The following MAFF variants were observed in gnomAD, a reference collection of about 807,000 sequenced individuals.
MAFF encodes transcription factor MafF.
In MAFF, 4 loss-of-function variants were observed where a neutral mutation model predicts 2.7. The ratio of observed to expected loss-of-function variants is 1.48; its 90% CI spans 0.73 to 3.39. The LOEUF is 3.39. Ranked by LOEUF, MAFF falls within the 30% of genes most tolerant of loss-of-function variation. The pLI is 0.01. For synonymous variants in MAFF, 113 were observed against 119.4 expected (o/e 0.95, Z 0.35); for missense variants, 190 against 246.6 (o/e 0.77, Z 1.54).
In MAFF at chr22:38,214,332, C is replaced by A. The variant is rs1319764335; in HGVS notation, c.37-88C>A. On this transcript the variant is annotated intron_variant, in intron 2 of 2. Transcript: ENST00000338483. The surrounding 1 kb of genome is among the most constrained non-coding windows in gnomAD (Gnocchi z 6.3). The stretch of plus-strand genomic sequence containing the variant: ...GGATCAAGTCCACCCACCACCTCGG[C>A]GGCTAAGGCGGTGAAAGAGGAACAC... 7 of 1,271,528 alleles carry A rather than the reference C, an allele frequency of 5.5e-6. No individual in the cohort carries two copies. The Admixed American group carries it at 8.1e-5, about 15-fold the overall frequency. 78.8% of individuals were successfully genotyped at this position (1,271,528 alleles called of 1,614,324 possible). A position where few individuals can be genotyped will look rare whatever the true frequency, so the allele number is the denominator to read the frequency against.
At chr22:38,204,794 A>T (rs1028676675) in intron 1 of MAFF, among the ~76,000 whole-genome samples, 2 of 152,136 alleles carry the variant, frequency 1.3e-5, no homozygotes, top group African/African-American at 4.8e-5. Context: ...GGACAGGAAT[A>T]CGGTTGAGGC....
chr22:38,207,589 A>G (rs1030542611), intron 1 of MAFF, among the ~76,000 whole-genome samples: 4 of 147,430 alleles, frequency 2.7e-5, no homozygotes, highest in African/African-American at 1.0e-4. Flanking sequence ...ACAGGCGCCC[A>G]CCACCACACC....
intron 1 of MAFF, among the ~76,000 whole-genome samples, chr22:38,210,804 A>G (rs2146019189): frequency 6.6e-6 from 1 of 152,196 alleles, no homozygotes; most frequent in East Asian, 1.9e-4. Flanking sequence ...TCATGCCTAT[A>G]ATCCCAACAC....
Position 38,214,696 on chromosome 22 carries a change from G to A in MAFF, c.313G>A (p.Asp105Asn). 6.5e-7 allele frequency: 1 copy of A among 1,542,054 alleles called. No homozygotes were observed. Among genetic ancestry groups the A allele is most frequent in the Non-Finnish European group, 8.7e-7 (1 of 1,145,332 alleles). The change falls in exon 3 of 3, where the codon GAC becomes AAC. Residue 105 changes from aspartate (D) to asparagine (N), a missense_variant. Coordinates refer to ENST00000338483, the MANE Select transcript of MAFF (RefSeq NM_012323.4). This position sits in a 1 kb window ranked among gnomAD's most constrained non-coding sequence, Gnocchi z 6.3. ...GAACGCCGCCATGCGCCTGGAGCTC[G>A]ACGCGCTGCGCGGCAAGTGCGAGGC... ...RENAAMRLEL[D>N]ALRGKCEALQ...
chr22:38,210,178 C>T (rs1295581727), intron 1 of MAFF, among the ~76,000 whole-genome samples: 2 of 152,220 alleles, frequency 1.3e-5, no homozygotes, highest in African/African-American at 4.8e-5. Context: ...ACCTGGCACT[C>T]TGGGTCCACC....
intron 1 of MAFF, among the ~76,000 whole-genome samples, chr22:38,210,166 T>C (rs1298024047): frequency 6.6e-6 from 1 of 152,220 alleles, no homozygotes; most frequent in Non-Finnish European, 1.5e-5. Flanking sequence ...GCCTGGGTCC[T>C]GACCTGGCAC....
chr22:38,214,889 C>A lies in MAFF; in HGVS notation c.*11C>A. 1 of 1,514,136 alleles carries A rather than the reference C, an allele frequency of 6.6e-7. No individual in the cohort carries two copies. The highest frequency in any genetic ancestry group is 8.9e-7 in the Non-Finnish European group (1 of 1,125,880). 93.8% of individuals were successfully genotyped at this position (1,514,136 alleles called of 1,614,324 possible). On this transcript the variant is annotated 3_prime_UTR_variant, in exon 3 of 3. Transcript: ENST00000338483. This position sits in a 1 kb window ranked among gnomAD's most constrained non-coding sequence, Gnocchi z 6.3. ...GCCTCCTGCTCCTAGTGCCCGCCCC[C>A]GCCATGCCTCAGCCACGCCCCTCCG... is the stretch of plus-strand genomic sequence containing the variant.
intron 1 of MAFF, among the ~76,000 whole-genome samples, chr22:38,206,687 T>C (rs1259046715): frequency 7.2e-5 from 11 of 152,122 alleles, no homozygotes; most frequent in Admixed American, 6.5e-4. Context: ...ACCAAGATTA[T>C]TGTGATTATT....
In MAFF at chr22:38,213,819, C is replaced by G. The variant is rs2091120929; in HGVS notation, c.-31-4C>G. On this transcript the variant is annotated splice_polypyrimidine_tract_variant and splice_region_variant and intron_variant, in intron 1 of 2. Transcript: ENST00000338483. ...CAGTGACTTTGACCTCCTTTCTACC[C>G]TAGGTCTGCAGCCCAGAGGGCACCT... 2.5e-6 allele frequency: 4 copies of G among 1,609,734 alleles called. No individual in the cohort carries two copies. The highest frequency in any genetic ancestry group is 3.4e-6 in the Non-Finnish European group (4 of 1,176,042).
chr22:38,213,902 C>A lies in MAFF; in HGVS notation c.36+13C>A. 4 of 1,614,058 alleles carry A rather than the reference C, an allele frequency of 2.5e-6. No homozygotes were observed. Among genetic ancestry groups the A allele is most frequent in the Non-Finnish European group, 3.4e-6 (4 of 1,179,914 alleles). On this transcript the variant is annotated intron_variant, in intron 2 of 2. Coordinates refer to ENST00000338483, the MANE Select transcript of MAFF (RefSeq NM_012323.4). ...CAAAGCTCTAAAGGTGAGGAGGCAG[C>A]CTCTGTCAACCCAGTGAAGCCCTCC...
chr22:38,213,176 C>CAAAAAAAAAAAAAAAAAAAAAA (rs57782814), intron 1 of MAFF, among the ~76,000 whole-genome samples: 4 of 114,088 alleles, frequency 3.5e-5, no homozygotes, highest in African/African-American at 6.7e-5. Context: ...GACTCTGTCT[C>CAAAAAAAAAAAAAAAAAAAAAA]AAAAAAAAAA....
chr22:38,204,765 T>C (rs1427030175), intron 1 of MAFF, among the ~76,000 whole-genome samples: 4 of 152,182 alleles, frequency 2.6e-5, no homozygotes, highest in Non-Finnish European at 5.9e-5. Flanking sequence ...TCTGTTAGCA[T>C]ACGATCCTGG....
chr22:38,213,352 G>C (rs2091116808), intron 1 of MAFF, among the ~76,000 whole-genome samples: 1 of 152,140 alleles, frequency 6.6e-6, no homozygotes, highest in South Asian at 2.1e-4. Flanking sequence ...ACTGATTTAG[G>C]CATATTGATG....
chr22:38,213,756 G>A, intron 1 of MAFF, 67 bp from the exon 2 acceptor site: 1 of 1,188,266 alleles, frequency 8.4e-7, no homozygotes, highest in Non-Finnish European at 1.3e-6. Flanking sequence ...AAGGTAGTGA[G>A]TTTGGATTTT....
chr22:38,205,277 G>A (rs1022537854), intron 1 of MAFF: 7 of 152,228 alleles, frequency 4.6e-5, no homozygotes, highest in East Asian at 1.9e-4. Flanking sequence ...GCCACACAGC[G>A]AGTGTGAGAG....
chr22:38,214,918 T>C lies in MAFF; in HGVS notation c.*40T>C. On this transcript the variant is annotated 3_prime_UTR_variant, in exon 3 of 3. Coordinates refer to ENST00000338483, the MANE Select transcript of MAFF (RefSeq NM_012323.4). This position sits in a 1 kb window ranked among gnomAD's most constrained non-coding sequence, Gnocchi z 6.3. ...ATGCCTCAGCCACGCCCCTCCGGCC[T>C]CAGCTCCCTCCCCAAAGTGCCTGAG... The C allele has an allele frequency of 7.0e-7, 1 of 1,427,406 alleles. No homozygotes were observed. Among genetic ancestry groups the C allele is most frequent in the Non-Finnish European group, 9.5e-7 (1 of 1,049,894 alleles). 88.4% of individuals were successfully genotyped at this position (1,427,406 alleles called of 1,614,324 possible). A position where few individuals can be genotyped will look rare whatever the true frequency, so the allele number is the denominator to read the frequency against.
At position 38,214,783 on chromosome 22, in the gene MAFF, G is replaced by C; in HGVS notation, c.400G>C (p.Ala134Pro). The C allele has an allele frequency of 6.8e-7, 1 of 1,462,304 alleles. No homozygotes were observed. The highest frequency in any genetic ancestry group is 1.3e-5 in the South Asian group (1 of 76,092). The allele number at this position is 1,462,304 out of a possible 1,614,324, so 90.6% of individuals were successfully genotyped here. A position where few individuals can be genotyped will look rare whatever the true frequency, so the allele number is the denominator to read the frequency against. The part of the protein sequence containing the change: ...ARGPATLVAP[A>P]SVITIVKSTP... ...CGGGCCCGCCACGCTCGTGGCGCCGGCCAGCGTCATCACCATCGTCAAGTC... is the reference window on the plus strand; with the variant it reads ...CGGGCCCGCCACGCTCGTGGCGCCGCCCAGCGTCATCACCATCGTCAAGTC... The change falls in exon 3 of 3, where the codon GCC becomes CCC. Residue 134 changes from alanine (A) to proline (P), a missense_variant. Ala to Pro is a conservative substitution (Grantham distance 27, BLOSUM62 -1). Coordinates refer to ENST00000338483, the MANE Select transcript of MAFF (RefSeq NM_012323.4). This position sits in a 1 kb window ranked among gnomAD's most constrained non-coding sequence, Gnocchi z 6.3.
In MAFF at chr22:38,214,713, G is replaced by T; in HGVS notation, c.330G>T (p.Lys110Asn). ...TGGAGCTCGACGCGCTGCGCGGCAA[G>T]TGCGAGGCGCTGCAGGGCTTCGCGC... The part of the protein sequence containing the change: ...MRLELDALRG[K>N]CEALQGFARS... The change falls in exon 3 of 3, where the codon AAG (lysine) becomes AAT (asparagine). Residue 110 changes from lysine to asparagine, a missense_variant. By Grantham distance (94) the Lys-to-Asn change is moderately conservative. This residue lies in a region of MAFF where 103 missense variants were observed against 103.0 expected (regional missense o/e 1.00). Transcript: ENST00000338483. This position sits in a 1 kb window ranked among gnomAD's most constrained non-coding sequence, Gnocchi z 6.3. 6.5e-7 allele frequency: 1 copy of T among 1,532,990 alleles called. No individual in the cohort carries two copies. The allele number at this position is 1,532,990 out of a possible 1,614,324, so 95.0% of individuals were successfully genotyped here.
Position 38,214,713 on chromosome 22 carries a change from G to A in MAFF, c.330G>A (p.Lys110=). 4 of 1,532,990 alleles carry A rather than the reference G, an allele frequency of 2.6e-6. No individual in the cohort carries two copies. Among genetic ancestry groups the A allele is most frequent in the South Asian group, 2.4e-5 (2 of 82,950 alleles). The allele number at this position is 1,532,990 out of a possible 1,614,324, so 95.0% of individuals were successfully genotyped here. A position where few individuals can be genotyped will look rare whatever the true frequency, so the allele number is the denominator to read the frequency against. ...MRLELDALRG[K]CEALQGFARS... ...TGGAGCTCGACGCGCTGCGCGGCAA[G>A]TGCGAGGCGCTGCAGGGCTTCGCGC... is the stretch of plus-strand genomic sequence containing the variant. The change falls in exon 3 of 3, where the codon AAG becomes AAA. Residue 110 remains lysine (K), a synonymous_variant. Transcript: ENST00000338483. The surrounding 1 kb of genome is among the most constrained non-coding windows in gnomAD (Gnocchi z 6.3).
Sources: gnomAD v4.1 joint callset for allele counts (sites outside exome capture counted in the v4.1 genomes callset) on GRCh38, gnomAD v4.1.1 for gene constraint, gnomAD v4.1.1 regional missense constraint, Gnocchi (gnomAD v3.1) non-coding constraint, MANE v1.5 for transcripts, NCBI Gene and HGNC (gene_info 2026-07-23, HGNC 2026-07-21) for gene names.